The following CDH4 variants were observed in gnomAD, a reference collection of about 807,000 sequenced individuals.
The protein encoded by CDH4 is cadherin-4.
A neutral mutation model predicts 86.0 loss-of-function variants in CDH4; 33 were observed. The ratio of observed to expected loss-of-function variants is 0.38; its 90% CI spans 0.29 to 0.51. The LOEUF is 0.51. CDH4 is among the 20% of genes least tolerant of loss of function. The probability of loss-of-function intolerance (pLI) is 0.86; values close to 1 mark genes in which losing one functional copy is unlikely to be tolerated. For synonymous variants in CDH4, 555 were observed against 549.4 expected (o/e 1.01, Z -0.14); for missense variants, 1,114 against 1,307.4 (o/e 0.85, Z 2.28).
At chr20:61,686,836 G>C (rs1320022631) in intron 2 of CDH4, among the ~76,000 whole-genome samples, 1 of 152,196 alleles carries the variant, frequency 6.6e-6, no homozygotes. Flanking sequence ...TGCAGGGTTT[G>C]TTAGGTTTTG....
intron 3 of CDH4, among the ~76,000 whole-genome samples, chr20:61,748,746 T>C (rs2088449241): frequency 6.6e-6 from 1 of 152,164 alleles, no homozygotes; most frequent in Non-Finnish European, 1.5e-5. Context: ...AAATAACAAA[T>C]TAATATTACT....
intron 2 of CDH4, among the ~76,000 whole-genome samples, chr20:61,668,937 C>T (rs966111078): frequency 3.9e-5 from 6 of 152,216 alleles, no homozygotes; most frequent in African/African-American, 1.2e-4. Context: ...TCCGCCAGCC[C>T]CTCTCTCCAG....
chr20:61,387,760 C>T (rs868651521), intron 2 of CDH4, among the ~76,000 whole-genome samples: 5 of 152,156 alleles, frequency 3.3e-5, no homozygotes, highest in African/African-American at 2.4e-5. Context: ...TGTTTTTAAT[C>T]ACTCCACGGT....
chr20:61,355,291 T>C (rs1474025359), intron 2 of CDH4, among the ~76,000 whole-genome samples: 1 of 152,190 alleles, frequency 6.6e-6, no homozygotes, highest in African/African-American at 2.4e-5. Context: ...AACCGGACTC[T>C]CATTCCGCCT....
intron 2 of CDH4, among the ~76,000 whole-genome samples, chr20:61,264,597 G>A (rs554558857): frequency 3.1e-4 from 46 of 146,620 alleles, no homozygotes; most frequent in African/African-American, 1.2e-3. Flanking sequence ...CACATACAGT[G>A]GCTCCTTCAT....
intron 2 of CDH4, among the ~76,000 whole-genome samples, chr20:61,648,311 C>T (rs1273178109): frequency 2.0e-5 from 3 of 152,192 alleles, no homozygotes; most frequent in Admixed American, 6.5e-5. Context: ...GAGAGGCACC[C>T]GCAGCTGGTG....
At chr20:61,432,833 ATTTTTT>A (rs36067606) in intron 2 of CDH4, among the ~76,000 whole-genome samples, 21 of 101,708 alleles carry the variant, frequency 2.1e-4, no homozygotes, top group African/African-American at 6.5e-4. Flanking sequence ...TAAATCCATG[ATTTTTT>A]TTTTTTTTTT....
intron 6 of CDH4, among the ~76,000 whole-genome samples, chr20:61,861,290 C>T (rs1340462944): frequency 6.6e-6 from 1 of 152,210 alleles, no homozygotes; most frequent in Non-Finnish European, 1.5e-5. Flanking sequence ...CGGCGGCATT[C>T]ATCCACTCGG....
At chr20:61,357,461 G>T (rs1281355815) in intron 2 of CDH4, among the ~76,000 whole-genome samples, 1 of 152,224 alleles carries the variant, frequency 6.6e-6, no homozygotes, top group Non-Finnish European at 1.5e-5. Flanking sequence ...CCTGGAACCT[G>T]CCCTTCATCT....
At chr20:61,855,197 C>T (rs1291967972) in intron 6 of CDH4, among the ~76,000 whole-genome samples, 4 of 150,530 alleles carry the variant, frequency 2.7e-5, no homozygotes, top group Admixed American at 6.6e-5. Flanking sequence ...GCCCTTGGCC[C>T]ACCCCCAGGG....
At chr20:61,498,784 C>T (rs185369417) in intron 2 of CDH4, among the ~76,000 whole-genome samples, 2 of 152,244 alleles carry the variant, frequency 1.3e-5, no homozygotes, top group East Asian at 1.9e-4. Context: ...AATCTCATAA[C>T]GTTTTAAGAA....
At chr20:61,565,233 G>GTGGTGGTCGCGGTGCTCT (rs2086270905) in intron 2 of CDH4, among the ~76,000 whole-genome samples, 1 of 46,744 alleles carries the variant, frequency 2.1e-5, no homozygotes, top group Non-Finnish European at 4.1e-5. Context: ...GGTGGTGGTG[G>GTGGTGGTCGCGGTGCTCT]TGGTGGTGGC....
At chr20:61,520,278 G>A (rs2085859050) in intron 2 of CDH4, among the ~76,000 whole-genome samples, 1 of 152,204 alleles carries the variant, frequency 6.6e-6, no homozygotes, top group Non-Finnish European at 1.5e-5. Context: ...GCCCAGCACA[G>A]GGTGACTGCC....
intron 2 of CDH4, among the ~76,000 whole-genome samples, chr20:61,568,398 G>A (rs2086316411): frequency 6.6e-6 from 1 of 152,222 alleles, no homozygotes; most frequent in South Asian, 2.1e-4. Context: ...GAAGAAGGAT[G>A]TGTTTGCTTT....
Position 61,852,327 on chromosome 20 carries a change from C to A in CDH4, c.733-427C>A, listed in dbSNP as rs766522305. On this transcript the variant is annotated intron_variant, in intron 5 of 15. Coordinates refer to ENST00000614565, the MANE Select transcript of CDH4 (RefSeq NM_001794.5). ...CCCCTGGGGACTAACCTTACAGTGG[C>A]AGGAGTTAAGCCCCCGCCCAATTAG... Among the ~76,000 whole-genome samples the A allele has an allele frequency of 1.2e-3, 185 of 152,360 alleles. 1 individual carries two copies. The highest frequency in any genetic ancestry group is 2.0e-3 in the Admixed American group (30 of 15,312).
intron 2 of CDH4, among the ~76,000 whole-genome samples, chr20:61,620,304 G>A (rs1040043141): frequency 2.0e-5 from 3 of 150,322 alleles, no homozygotes; most frequent in African/African-American, 7.4e-5. Context: ...TAGATGGTAG[G>A]TAGATAGGTA....
intron 2 of CDH4, among the ~76,000 whole-genome samples, chr20:61,298,763 A>G (rs1236952617): frequency 6.6e-6 from 1 of 151,854 alleles, no homozygotes; most frequent in East Asian, 1.9e-4. Context: ...GAAGAAAGTC[A>G]TTTCCAAGTT....
intron 2 of CDH4, among the ~76,000 whole-genome samples, chr20:61,343,604 A>G (rs1446403855): frequency 2.6e-5 from 4 of 152,158 alleles, no homozygotes; most frequent in Non-Finnish European, 5.9e-5. Flanking sequence ...CAGCATAGGC[A>G]AGTTGTGCTT....
At chr20:61,268,120 C>T (rs1364959042) in intron 2 of CDH4, among the ~76,000 whole-genome samples, 1 of 151,828 alleles carries the variant, frequency 6.6e-6, no homozygotes, top group African/African-American at 2.4e-5. Context: ...GCCTGCCCTC[C>T]CATCTCTCTT....
Sources: gnomAD v4.1 joint callset for allele counts (sites outside exome capture counted in the v4.1 genomes callset) on GRCh38, gnomAD v4.1.1 for gene constraint, MANE v1.5 for transcripts, NCBI Gene and HGNC (gene_info 2026-07-23, HGNC 2026-07-21) for gene names.